PTTG1IP: variants seen among roughly 807,000 people sequenced by gnomAD.
PTTG1IP encodes the protein PTTG1 interacting protein.
PTTG1IP carries 16 observed loss-of-function variants against 24.4 expected under a neutral mutation model. The observed-to-expected ratio is 0.66, with a 90% confidence interval of 0.44 to 1.00. PTTG1IP has a LOEUF of 1.00. Ranked by LOEUF, PTTG1IP falls within the 50% of genes least tolerant of loss-of-function variation. The probability of loss-of-function intolerance (pLI) is 0.00; values close to 1 mark genes in which losing one functional copy is unlikely to be tolerated. For synonymous variants in PTTG1IP, 89 were observed against 96.8 expected (o/e 0.92, Z 0.47); for missense variants, 241 against 245.8 (o/e 0.98, Z 0.13).
rs768160683 is a variant in PTTG1IP at position 44,865,378 on chromosome 21, G to A, written c.168+17C>T. On this transcript the variant is annotated intron_variant, in intron 2 of 5. Coordinates refer to ENST00000330938, the MANE Select transcript of PTTG1IP (RefSeq NM_004339.4). ...GGTCTGGACGGCACTCTGGTCTCTA[G>A]TCCACGTGCTACTTACGGAGACGTT... 2 of 1,613,522 alleles carry A rather than the reference G, an allele frequency of 1.2e-6. No individual in the cohort carries two copies. Among genetic ancestry groups the A allele is most frequent in the South Asian group, 2.2e-5 (2 of 91,066 alleles).
At chr21:44,856,416 C>T in intron 3 of PTTG1IP, 52 bp from the exon 4 acceptor site, 1 of 1,549,604 alleles carries the variant, frequency 6.5e-7, no homozygotes, top group Non-Finnish European at 8.8e-7. Flanking sequence ...AGAACCCACC[C>T]AGCACAGCAG....
At chr21:44,858,883 A>G (rs1017365719) in intron 3 of PTTG1IP, among the ~76,000 whole-genome samples, 9 of 152,172 alleles carry the variant, frequency 5.9e-5, no homozygotes, top group African/African-American at 2.2e-4. Flanking sequence ...AAACATTGGG[A>G]AGGATGTGGA....
chr21:44,852,684 C>T (rs1013204502), intron 5 of PTTG1IP, among the ~76,000 whole-genome samples: 5 of 152,096 alleles, frequency 3.3e-5, no homozygotes, highest in African/African-American at 7.2e-5. Context: ...GGCTCAAAGT[C>T]GGTTTTGGGA....
At chr21:44,855,444 G>C (rs1164652025) in intron 4 of PTTG1IP, among the ~76,000 whole-genome samples, 188 bp from the exon 5 acceptor site, 9 of 152,134 alleles carry the variant, frequency 5.9e-5, no homozygotes, top group Admixed American at 5.9e-4. Flanking sequence ...GGACAGGCAA[G>C]GTGACAACGA....
intron 3 of PTTG1IP, among the ~76,000 whole-genome samples, chr21:44,857,539 A>C (rs918235543): frequency 1.3e-5 from 2 of 152,074 alleles, no homozygotes; most frequent in African/African-American, 4.8e-5. Context: ...TTATAAGCAA[A>C]CTCCCCTGGG....
chr21:44,858,327 G>T (rs755274532), intron 3 of PTTG1IP, among the ~76,000 whole-genome samples: 1 of 152,214 alleles, frequency 6.6e-6, no homozygotes, highest in Non-Finnish European at 1.5e-5. Flanking sequence ...GACCTAAAAC[G>T]GGTATCATGT....
chr21:44,869,845 G>A (rs947739326), intron 1 of PTTG1IP, among the ~76,000 whole-genome samples: 2 of 152,200 alleles, frequency 1.3e-5, no homozygotes, highest in African/African-American at 4.8e-5. Context: ...CATGAGGAAG[G>A]GTGCGTGTGC....
intron 1 of PTTG1IP, among the ~76,000 whole-genome samples, chr21:44,868,069 C>T (rs1371660030): frequency 6.6e-6 from 1 of 152,188 alleles, no homozygotes; most frequent in Non-Finnish European, 1.5e-5. Context: ...TCTTTTAAGC[C>T]ACTTTAGATA....
At position 44,856,297 on chromosome 21, in the gene PTTG1IP, G is replaced by C. The variant is rs1466982717; in HGVS notation, c.345C>G (p.Ile115Met). 6.2e-7 allele frequency: 1 copy of C among 1,614,086 alleles called. No individual in the cohort carries two copies. Among genetic ancestry groups the C allele is most frequent in the Non-Finnish European group, 8.5e-7 (1 of 1,180,034 alleles). Residue 115 changes from isoleucine (I) to methionine (M), a missense_variant, in exon 4 of 6, where the codon ATC (isoleucine) becomes ATG (methionine). Transcript: ENST00000330938. ...VGGTLLLGIA[I>M]CCCCCCRRKR... ...TCCTCCTGCAGCAGCAGCAGCAGCA[G>C]ATGGCAATGCCCAGGAGGAGGGTTC...
chr21:44,851,588 T>A lies in PTTG1IP; in HGVS notation c.536A>T (p.Asn179Ile), dbSNP rs1160073142. The A allele has an allele frequency of 6.3e-7, 1 of 1,594,272 alleles. No homozygotes were observed. The highest frequency in any genetic ancestry group is 8.6e-7 in the Non-Finnish European group (1 of 1,163,764). The change falls in exon 6 of 6, where the codon AAC becomes ATC. Residue 179 changes from asparagine (N) to isoleucine (I), a missense_variant. By Grantham distance (149) the Asn-to-Ile change is moderately radical (BLOSUM62 -3). Coordinates refer to ENST00000330938, the MANE Select transcript of PTTG1IP (RefSeq NM_004339.4). ...KEENPYARFE[N>I]N The stretch of plus-strand genomic sequence containing the variant: ...CTGATGTGCTGGAGCGCTTTAGTTG[T>A]TTTCAAATCTAGCATACGGGTTTTC...
intron 2 of PTTG1IP, chr21:44,861,710 C>A (rs1372448291): frequency 2.8e-6 from 2 of 716,314 alleles, no homozygotes; most frequent in Admixed American, 2.0e-5. Context: ...CCAGCCGCCT[C>A]CACCCCCTCC....
chr21:44,865,831 T>G lies in PTTG1IP; in HGVS notation c.116-384A>C, dbSNP rs543716738. On this transcript the variant is annotated intron_variant, in intron 1 of 5. Transcript: ENST00000330938. The stretch of plus-strand genomic sequence containing the variant: ...GGACCTTCTGCTCATCAGCAGGCAC[T>G]CTTTTGGGAACCCAAGAGCCTCCAT... 6 of 270,500 alleles carry G rather than the reference T, an allele frequency of 2.2e-5. No individual in the cohort carries two copies. The South Asian group carries it at 3.3e-4, about 15-fold the overall frequency. The allele number at this position is 270,500 out of a possible 1,614,324, so 16.8% of individuals were successfully genotyped here. A position where few individuals can be genotyped will look rare whatever the true frequency, so the allele number is the denominator to read the frequency against.
intron 5 of PTTG1IP, 22 bp from the exon 6 acceptor site, chr21:44,851,649 T>C (rs1024201279): frequency 1.3e-6 from 2 of 1,553,196 alleles, no homozygotes; most frequent in African/African-American, 2.8e-5. Context: ...TAAACTTGAA[T>C]CATAACTTCA....
intron 2 of PTTG1IP, among the ~76,000 whole-genome samples, chr21:44,864,921 C>G (rs73908942): frequency 1.3e-5 from 2 of 152,204 alleles, no homozygotes; most frequent in African/African-American, 4.8e-5. Context: ...CCCCAGGTCA[C>G]GACCAGAGAG....
intron 2 of PTTG1IP, among the ~76,000 whole-genome samples, chr21:44,864,823 C>T (rs535929664): frequency 6.6e-6 from 1 of 152,352 alleles, no homozygotes; most frequent in East Asian, 1.9e-4. Flanking sequence ...TCGGGCCCCA[C>T]CTCATGCCGT....
intron 3 of PTTG1IP, among the ~76,000 whole-genome samples, chr21:44,859,117 G>A (rs1024010878): frequency 1.3e-5 from 2 of 152,256 alleles, no homozygotes; most frequent in Non-Finnish European, 2.9e-5. Context: ...CTGAACAGCT[G>A]TAGAACACTG....
At chr21:44,856,902 G>A (rs940467741) in intron 3 of PTTG1IP, among the ~76,000 whole-genome samples, 46 of 152,262 alleles carry the variant, frequency 3.0e-4, no homozygotes, top group African/African-American at 1.1e-3. Flanking sequence ...AGGAGCGGAC[G>A]AGACCACGGA....
intron 3 of PTTG1IP, among the ~76,000 whole-genome samples, chr21:44,856,888 G>A (rs1356715401): frequency 2.0e-5 from 3 of 152,142 alleles, no homozygotes; most frequent in African/African-American, 7.2e-5. Context: ...AAGAATGACC[G>A]TGGAGGAGCG....
chr21:44,852,306 C>T (rs934688184), intron 5 of PTTG1IP, among the ~76,000 whole-genome samples: 9 of 152,070 alleles, frequency 5.9e-5, no homozygotes, highest in Non-Finnish European at 1.0e-4. Context: ...CCTCAGCCTC[C>T]GGGTAGCTAG....
Sources: allele counts gnomAD v4.1 joint callset (sites outside exome capture counted in the v4.1 genomes callset), GRCh38; gene constraint gnomAD v4.1.1; transcripts MANE v1.5; gene names NCBI Gene and HGNC (gene_info 2026-07-23, HGNC 2026-07-21).